Variants in KAZN observed in about 807,000 individuals in gnomAD.
The protein encoded by KAZN is kazrin, periplakin interacting protein, also known as kazrin.
Under a neutral mutation model 87.4 loss-of-function variants are expected in KAZN, and 40 were observed. The observed-to-expected ratio is 0.46, with a 90% CI of 0.36 to 0.60. The LOEUF (loss-of-function observed/expected upper bound fraction) is 0.60, where lower values mean the gene tolerates loss of function less well. KAZN is among the 20% of genes least tolerant of loss of function. The pLI, the probability that KAZN is intolerant of heterozygous loss-of-function variation, is 0.00. For synonymous variants in KAZN, 466 were observed against 458.3 expected, an observed-to-expected ratio of 1.02 and a Z score of -0.22; for missense variants, 898 against 1,073.9, an observed-to-expected ratio of 0.84 and a Z score of 2.29.
At chr1:14,171,044 G>A (rs1264070656) in intron 1 of KAZN, among the ~76,000 whole-genome samples, 3 of 152,176 alleles carry the variant, frequency 2.0e-5, no homozygotes, top group Non-Finnish European at 4.4e-5. Context: ...GAATTACAAG[G>A]TGTGGTCTTT....
chr1:14,061,975 G>C (rs1642812697), intron 1 of KAZN, among the ~76,000 whole-genome samples: 1 of 152,096 alleles, frequency 6.6e-6, no homozygotes, highest in East Asian at 1.9e-4. Flanking sequence ...TTGAAGTCTG[G>C]AATTCACATA....
chr1:14,438,342 G>A (rs1181629501), intron 2 of KAZN, among the ~76,000 whole-genome samples: 3 of 152,210 alleles, frequency 2.0e-5, no homozygotes, highest in Admixed American at 6.5e-5. Context: ...CTGACTTTCT[G>A]GTGTCGGGAG....
chr1:14,078,573 T>A lies in KAZN; in HGVS notation c.92-101862T>A, dbSNP rs1400939456. ...CTCTGCAGGCTGGGAAGTCCAGAGT[T>A]GGAACACCGGCAGATTGAGTGTCTG... On this transcript the variant is annotated intron_variant, in intron 1 of 16. Coordinates refer to the KAZN transcript ENST00000636203. 7.9e-5 allele frequency among the ~76,000 whole-genome samples: 12 copies of A among 152,360 alleles called. No individual in the cohort carries two copies. The East Asian group carries it at 2.1e-3, about 27-fold the overall frequency.
rs906581274 is a variant in KAZN at position 14,211,921 on chromosome 1, C to T, written c.249+31329C>T. 2.6e-5 allele frequency among the ~76,000 whole-genome samples: 4 copies of T among 152,048 alleles called. 1 individual carries two copies. Among genetic ancestry groups the T allele is most frequent in the South Asian group, 4.2e-4 (2 of 4,816 alleles). ...CCTTGGTGCCATAGCCCCTTCACCC[C>T]GTTAATTTTGTCCTATCCCCCAGCC... On this transcript the variant is annotated intron_variant, in intron 2 of 16. Coordinates refer to the KAZN transcript ENST00000636203.
chr1:14,014,121 C>T (rs947037935), intron 1 of KAZN, among the ~76,000 whole-genome samples: 2 of 152,038 alleles, frequency 1.3e-5, no homozygotes, highest in Admixed American at 1.3e-4. Flanking sequence ...TGCCACCACC[C>T]ACCATTGATG....
intron 2 of KAZN, among the ~76,000 whole-genome samples, chr1:14,280,370 CAAAAAAAAAAAA>C (rs1162522967): frequency 1.6e-4 from 6 of 36,824 alleles, no homozygotes; most frequent in African/African-American, 3.9e-4. Context: ...GACTCCATCT[CAAAAAAAAAAAA>C]AAAAAAAAAA....
chr1:14,706,499 A>G (rs1050799943), intron 1 of KAZN, among the ~76,000 whole-genome samples: 1 of 152,168 alleles, frequency 6.6e-6, no homozygotes. Context: ...AACACAAAAA[A>G]AAAATAAAGA....
chr1:14,417,128 G>A (rs1038335810), intron 2 of KAZN, among the ~76,000 whole-genome samples: 8 of 151,076 alleles, frequency 5.3e-5, no homozygotes, highest in Admixed American at 3.9e-4. Flanking sequence ...GGAGGGAGAG[G>A]TTGCAGTGAC....
At chr1:14,102,912 C>CT (rs140592376) in intron 1 of KAZN, among the ~76,000 whole-genome samples, 35,130 of 149,262 alleles carry the variant, frequency 0.24, 4,399 homozygotes, top group East Asian at 0.5. Flanking sequence ...ACTAATCTCT[C>CT]TCTTTTTTTT....
intron 2 of KAZN, among the ~76,000 whole-genome samples, chr1:14,465,956 C>T (rs1054599852): frequency 6.6e-6 from 1 of 152,118 alleles, no homozygotes; most frequent in African/African-American, 2.4e-5. Context: ...TAGGTACACA[C>T]AAATACTCCT....
chr1:14,508,451 T>C (rs1351818104), intron 2 of KAZN, among the ~76,000 whole-genome samples: 3 of 152,130 alleles, frequency 2.0e-5, no homozygotes, highest in Non-Finnish European at 4.4e-5. Flanking sequence ...CACACCAAAG[T>C]TAAAAATATA....
chr1:14,472,447 T>C (rs761187121), intron 2 of KAZN, among the ~76,000 whole-genome samples: 1 of 152,138 alleles, frequency 6.6e-6, no homozygotes, highest in Non-Finnish European at 1.5e-5. Context: ...CAATGCCATA[T>C]CAACATGAGG....
intron 13 of KAZN, among the ~76,000 whole-genome samples, chr1:15,111,525 G>A (rs570156946): frequency 5.9e-5 from 9 of 152,118 alleles, no homozygotes; most frequent in African/African-American, 1.9e-4. Flanking sequence ...TGATCCACAC[G>A]CCTTGGCCTC....
chr1:14,023,545 G>C (rs1640938904), intron 1 of KAZN, among the ~76,000 whole-genome samples: 1 of 152,168 alleles, frequency 6.6e-6, no homozygotes, highest in East Asian at 1.9e-4. Flanking sequence ...GTCTGGTCCT[G>C]AGTTTGTGAT....
chr1:14,033,771 A>G (rs1570576369), intron 1 of KAZN, among the ~76,000 whole-genome samples: 1 of 152,214 alleles, frequency 6.6e-6, no homozygotes, highest in East Asian at 1.9e-4. Flanking sequence ...CTAGAAGCCC[A>G]TGTCAAGCAA....
At chr1:14,131,276 G>C (rs1444750526) in intron 1 of KAZN, among the ~76,000 whole-genome samples, 1 of 152,170 alleles carries the variant, frequency 6.6e-6, no homozygotes, top group African/African-American at 2.4e-5. Flanking sequence ...TTTAACATGA[G>C]ATTTGAGTGG....
rs1177461555 is a variant in KAZN, at chr1:14,294,580, C to G, written c.249+113988C>G. ...AGTAAGGAAAGACCTGAAATTCACA[C>G]CAGTCTACCTGACTCTGTCTAAGAG... is the stretch of plus-strand genomic sequence containing the variant. On this transcript the variant is annotated intron_variant, in intron 2 of 16. Transcript: ENST00000636203. 6.6e-5 allele frequency among the ~76,000 whole-genome samples: 10 copies of G among 151,064 alleles called. No homozygotes were observed. In the East Asian group the frequency reaches 2.0e-3, roughly 30 times the overall value.
At chr1:14,508,600 G>T (rs928975317) in intron 2 of KAZN, among the ~76,000 whole-genome samples, 1 of 152,148 alleles carries the variant, frequency 6.6e-6, no homozygotes, top group African/African-American at 2.4e-5. Context: ...CAATAGAGGC[G>T]CTCTCCACTA....
At chr1:14,495,320 A>G (rs575732618) in intron 2 of KAZN, among the ~76,000 whole-genome samples, 1 of 152,326 alleles carries the variant, frequency 6.6e-6, no homozygotes, top group South Asian at 2.1e-4. Flanking sequence ...TTTTGGCTCA[A>G]TCAGACCTTC....
Sources: allele counts gnomAD v4.1 joint callset (sites outside exome capture counted in the v4.1 genomes callset), GRCh38; gene constraint gnomAD v4.1.1; transcripts MANE v1.5; gene names NCBI Gene and HGNC (gene_info 2026-07-23, HGNC 2026-07-21).